CALN1: variants seen among roughly 807,000 people sequenced by gnomAD.
CALN1 encodes calneuron 1, also known as calcium-binding protein 8.
CALN1 carries 17 observed loss-of-function variants against 30.6 expected under a neutral mutation model. That is an observed-to-expected ratio of 0.56 (90% CI 0.38 to 0.83). The LOEUF (loss-of-function observed/expected upper bound fraction) is 0.83, where lower values mean the gene tolerates loss of function less well. Among genes scored for constraint, CALN1 ranks in the 40% least tolerant of loss-of-function variants. The pLI is 0.00. For missense variants in CALN1, 291 were observed against 354.9 expected (o/e 0.82, Z 1.45); for synonymous variants, 156 against 131.4 (o/e 1.19, Z -1.28).
intron 5 of CALN1, among the ~76,000 whole-genome samples, chr7:71,972,254 A>T (rs2129526425): frequency 6.6e-6 from 1 of 152,184 alleles, no homozygotes; most frequent in Admixed American, 6.5e-5. Context: ...CGTTCTGAAC[A>T]CCCCACAGGA....
chr7:72,383,735 T>C (rs1048067584), intron 2 of CALN1, among the ~76,000 whole-genome samples: 1 of 152,224 alleles, frequency 6.6e-6, no homozygotes. Flanking sequence ...AATTTGTTCC[T>C]ACCCAGTAAA....
At chr7:71,974,889 C>T (rs1441762727) in intron 5 of CALN1, among the ~76,000 whole-genome samples, 2 of 152,166 alleles carry the variant, frequency 1.3e-5, no homozygotes, top group African/African-American at 4.8e-5. Context: ...AGCACAGGCT[C>T]CATTTGGGCA....
intron 5 of CALN1, among the ~76,000 whole-genome samples, chr7:71,837,243 C>A (rs796684072): frequency 0.017 from 1,343 of 79,136 alleles, 1 homozygote; most frequent in South Asian, 0.024. Context: ...AAAAAAAAGA[C>A]AAAAAAAAAA....
chr7:72,080,694 A>G lies in CALN1; in HGVS notation c.388+25457T>C, dbSNP rs79627872. On this transcript the variant is annotated intron_variant, in intron 4 of 6. Transcript: ENST00000395275. The stretch of plus-strand genomic sequence containing the variant: ...GGTGTGCTAGGAGGGGTGGGTTTCC[A>G]CACAGACTCCAGGCAGGAAGGCACC... 9.5e-4 allele frequency among the ~76,000 whole-genome samples: 145 copies of G among 152,290 alleles called. 1 individual carries two copies. In the East Asian group the frequency reaches 0.017, roughly 18 times the overall value.
chr7:71,864,003 T>TC (rs1791450228), intron 5 of CALN1, among the ~76,000 whole-genome samples: 1 of 152,200 alleles, frequency 6.6e-6, no homozygotes, highest in African/African-American at 2.4e-5. Flanking sequence ...AAAGTCCTAT[T>TC]CCCCTATTCT....
At chr7:72,412,457 T>C (rs1807249477), upstream of CALN1, 1 of 152,148 alleles carries the variant, frequency 6.6e-6, no homozygotes, top group African/African-American at 2.4e-5. Context: ...ATTGGTCCAT[T>C]TTACAGAGTG....
In CALN1 at chr7:72,365,505, G is replaced by A. The variant is rs567323529; in HGVS notation, c.119+37746C>T. Among the ~76,000 whole-genome samples the A allele has an allele frequency of 6.6e-4, 100 of 152,198 alleles. 1 individual carries two copies. The highest frequency in any genetic ancestry group is 2.4e-3 in the African/African-American group (98 of 41,544). ...TTGTCACCCAGGCTGGAGTGCAGTG[G>A]TGTAGCCTCAACCTCCTGGGCCCAA... On this transcript the variant is annotated intron_variant, in intron 2 of 6. Coordinates refer to ENST00000395275, the MANE Select transcript of CALN1 (RefSeq NM_031468.4).
At chr7:72,409,630 C>A (rs892362219) in intron 1 of CALN1, among the ~76,000 whole-genome samples, 3 of 151,930 alleles carry the variant, frequency 2.0e-5, no homozygotes, top group Admixed American at 6.5e-5. Context: ...AAATTCCAAT[C>A]ACTGGGAGCA....
chr7:72,011,163 A>C (rs554845678), intron 5 of CALN1, among the ~76,000 whole-genome samples: 2 of 152,126 alleles, frequency 1.3e-5, no homozygotes, highest in African/African-American at 2.4e-5. Flanking sequence ...AAAAAAAGAA[A>C]AAAAACAAAA....
intron 3 of CALN1, among the ~76,000 whole-genome samples, chr7:72,160,063 A>G (rs531787225): frequency 6.6e-6 from 1 of 152,108 alleles, no homozygotes; most frequent in African/African-American, 2.4e-5. Context: ...TGGGCAACCA[A>G]CCCAAACAAG....
chr7:72,239,551 A>G (rs937135126), intron 3 of CALN1, among the ~76,000 whole-genome samples: 1 of 152,214 alleles, frequency 6.6e-6, no homozygotes, highest in Non-Finnish European at 1.5e-5. Flanking sequence ...AAAGTTTAGT[A>G]TATTCCTGTA....
chr7:72,263,795 A>G (rs1486950037), intron 3 of CALN1, among the ~76,000 whole-genome samples: 1 of 152,158 alleles, frequency 6.6e-6, no homozygotes. Context: ...TTGAGCAGTC[A>G]CTATGTGCCT....
intron 3 of CALN1, among the ~76,000 whole-genome samples, chr7:72,191,306 A>C (rs1419831744): frequency 2.6e-5 from 4 of 152,164 alleles, no homozygotes; most frequent in Non-Finnish European, 5.9e-5. Flanking sequence ...GGAGAAATGA[A>C]GGATGGCAGA....
At chr7:72,475,876 C>T in the CALN1 span, among the ~76,000 whole-genome samples, 3 of 150,648 alleles carry the variant, frequency 2.0e-5, no homozygotes, top group South Asian at 2.1e-4. Flanking sequence ...ATAAGTCTCA[C>T]GAGATCTGAT....
the CALN1 span, among the ~76,000 whole-genome samples, chr7:72,499,885 CTTTCTTTCTTTCTTTCTTTCTTTCTT>C: frequency 1.7e-5 from 1 of 59,858 alleles, no homozygotes. Flanking sequence ...TTCTTTCTTT[CTTTCTTTCTTTCTTTCTTTCTTTCTT>C]TCTATCTTTC....
At chr7:71,820,607 A>C (rs575229785) in intron 5 of CALN1, among the ~76,000 whole-genome samples, 1 of 152,222 alleles carries the variant, frequency 6.6e-6, no homozygotes, top group East Asian at 1.9e-4. Flanking sequence ...TATCTGTTCC[A>C]GTCACTGCTT....
intron 5 of CALN1, among the ~76,000 whole-genome samples, chr7:71,984,816 T>C (rs565201185): frequency 2.0e-5 from 3 of 152,328 alleles, no homozygotes; most frequent in African/African-American, 7.2e-5. Flanking sequence ...TGAATGACTC[T>C]GGCTAAGCTT....
At chr7:72,220,631 A>G (rs1793214966) in intron 3 of CALN1, among the ~76,000 whole-genome samples, 1 of 152,182 alleles carries the variant, frequency 6.6e-6, no homozygotes, top group African/African-American at 2.4e-5. Flanking sequence ...GACTTCCACA[A>G]TGGTTGAACC....
At chr7:72,287,360 C>T (rs1798149786) in intron 2 of CALN1, among the ~76,000 whole-genome samples, 1 of 151,096 alleles carries the variant, frequency 6.6e-6, no homozygotes, top group African/African-American at 2.4e-5. Context: ...CATCCATATG[C>T]TTTTGCAACC....
Sources: gnomAD v4.1 joint callset for allele counts (sites outside exome capture counted in the v4.1 genomes callset) on GRCh38, gnomAD v4.1.1 for gene constraint, MANE v1.5 for transcripts, NCBI Gene and HGNC (gene_info 2026-07-23, HGNC 2026-07-21) for gene names.